The following ANO6 variants were observed in gnomAD, a reference collection of about 807,000 sequenced individuals.
ANO6 encodes the protein anoctamin 6, also known as anoctamin-6.
In ANO6, 106 loss-of-function variants were observed where a neutral mutation model predicts 117.5. The ratio of observed to expected loss-of-function variants is 0.90; its 90% CI spans 0.77 to 1.06. The LOEUF (loss-of-function observed/expected upper bound fraction) is 1.06. Ranked by LOEUF, ANO6 falls within the 50% of genes least tolerant of loss-of-function variation. ANO6 has a pLI of 0.00. For synonymous variants in ANO6, 367 were observed against 385.1 expected (o/e 0.95, Z 0.55); for missense variants, 955 against 1,121.1 (o/e 0.85, Z 2.12).
chr12:45,379,740 T>A (rs976820701), intron 10 of ANO6, among the ~76,000 whole-genome samples: 3 of 152,178 alleles, frequency 2.0e-5, no homozygotes, highest in African/African-American at 7.2e-5. Flanking sequence ...AGCCTCAAAT[T>A]TACTAGCTAA....
chr12:45,217,074 G>C (rs1947326751), intron 1 of ANO6, among the ~76,000 whole-genome samples: 1 of 152,116 alleles, frequency 6.6e-6, no homozygotes, highest in Admixed American at 6.5e-5. Flanking sequence ...TTTCTAGTTA[G>C]AGTTAAAAAT....
intron 2 of ANO6, among the ~76,000 whole-genome samples, chr12:45,329,542 C>T (rs1241509092): frequency 6.6e-6 from 1 of 152,094 alleles, no homozygotes; most frequent in East Asian, 1.9e-4. Flanking sequence ...GGAAGAGTGC[C>T]TGGAGCCATG....
intron 8 of ANO6, among the ~76,000 whole-genome samples, chr12:45,358,713 T>C (rs1941475382): frequency 6.6e-6 from 1 of 152,206 alleles, no homozygotes; most frequent in African/African-American, 2.4e-5. Flanking sequence ...CTTTAAAATA[T>C]CTAAATTATA....
At chr12:45,423,145 C>A in intron 19 of ANO6, 83 bp downstream of exon 19, 1 of 979,866 alleles carries the variant, frequency 1.0e-6, no homozygotes, top group Non-Finnish European at 1.7e-6. Context: ...CCATACTTAA[C>A]ATGTGTGATA....
intron 1 of ANO6, among the ~76,000 whole-genome samples, chr12:45,263,367 C>CTTTT (rs72457782): frequency 1.1e-4 from 9 of 79,166 alleles, no homozygotes; most frequent in Admixed American, 1.9e-4. Flanking sequence ...CTGGCCTGGC[C>CTTTT]TTTTTTTTTT....
chr12:45,272,654 A>C (rs1005747997), intron 1 of ANO6, among the ~76,000 whole-genome samples: 2 of 152,208 alleles, frequency 1.3e-5, no homozygotes, highest in African/African-American at 2.4e-5. Context: ...AGTTGATGAG[A>C]AAAAGTGTTG....
chr12:45,403,071 G>A lies in ANO6; in HGVS notation c.1613-1G>A. The A allele has an allele frequency of 6.2e-7, 1 of 1,613,632 alleles. No individual in the cohort carries two copies. Among genetic ancestry groups the A allele is most frequent in the African/African-American group, 1.3e-5 (1 of 74,996 alleles). On this transcript the variant is annotated splice_acceptor_variant, in intron 13 of 19. Transcript: ENST00000320560. LOFTEE classifies it high-confidence loss of function. ...CTTATTTCTCTTTCTTTTAACTACA[G>A]AACTCCCAAGGACCCAGACTGATTA...
At chr12:45,278,237 G>A (rs1274557759) in intron 1 of ANO6, among the ~76,000 whole-genome samples, 3 of 152,172 alleles carry the variant, frequency 2.0e-5, no homozygotes, top group South Asian at 4.1e-4. Flanking sequence ...GATTACAGGT[G>A]TGAGCCACCG....
intron 8 of ANO6, among the ~76,000 whole-genome samples, chr12:45,360,596 A>C (rs1179622879): frequency 1.3e-5 from 2 of 152,250 alleles, no homozygotes; most frequent in Non-Finnish European, 2.9e-5. Context: ...CCTTTGAAAC[A>C]AAATTATTTT....
intron 17 of ANO6, among the ~76,000 whole-genome samples, chr12:45,417,468 GCT>G (rs1262760211): frequency 6.6e-6 from 1 of 152,118 alleles, no homozygotes; most frequent in East Asian, 1.9e-4. Context: ...TTAGGTCTTT[GCT>G]CACCATGCTT....
chr12:45,252,160 C>T (rs182597608), intron 1 of ANO6, among the ~76,000 whole-genome samples: 188 of 152,278 alleles, frequency 1.2e-3, no homozygotes, highest in Admixed American at 4.2e-3. Flanking sequence ...AGTTATTTGA[C>T]ATAAAGAAGC....
At chr12:45,221,765 A>C (rs1340893595) in intron 1 of ANO6, among the ~76,000 whole-genome samples, 1 of 152,050 alleles carries the variant, frequency 6.6e-6, no homozygotes, top group East Asian at 1.9e-4. Flanking sequence ...GTTTCCGGCA[A>C]GCAGAGAGGA....
At chr12:45,407,205 C>CT (rs1942957506) in intron 15 of ANO6, among the ~76,000 whole-genome samples, 1 of 152,136 alleles carries the variant, frequency 6.6e-6, no homozygotes, top group Non-Finnish European at 1.5e-5. Flanking sequence ...GTAAGAAAGA[C>CT]TTCTAAGATG....
chr12:45,366,751 T>C (rs1941695809), intron 8 of ANO6, among the ~76,000 whole-genome samples: 1 of 152,216 alleles, frequency 6.6e-6, no homozygotes, highest in African/African-American at 2.4e-5. Context: ...GTGTAGGCCT[T>C]CTTTACTGCA....
chr12:45,317,965 G>A (rs2137356075), intron 2 of ANO6, among the ~76,000 whole-genome samples: 1 of 152,128 alleles, frequency 6.6e-6, no homozygotes, highest in Admixed American at 6.5e-5. Context: ...TTTTTGATGG[G>A]GTTGTTTGTT....
chr12:45,408,148 G>T (rs1303465648), intron 15 of ANO6, among the ~76,000 whole-genome samples: 1 of 152,180 alleles, frequency 6.6e-6, no homozygotes, highest in Non-Finnish European at 1.5e-5. Flanking sequence ...GTGATGGAGA[G>T]GATGAGGGTC....
chr12:45,219,350 T>C (rs1485340292), intron 1 of ANO6, among the ~76,000 whole-genome samples: 1 of 152,144 alleles, frequency 6.6e-6, no homozygotes, highest in African/African-American at 2.4e-5. Context: ...CTTTTATTTA[T>C]TCATTTAGAG....
chr12:45,387,173 C>T (rs919598471), intron 10 of ANO6, among the ~76,000 whole-genome samples: 1 of 152,052 alleles, frequency 6.6e-6, no homozygotes. Flanking sequence ...ACTTAGGGTT[C>T]GCAGTCTGAT....
At chr12:45,252,753 A>G (rs2137191346) in intron 1 of ANO6, among the ~76,000 whole-genome samples, 1 of 152,312 alleles carries the variant, frequency 6.6e-6, no homozygotes, top group East Asian at 1.9e-4. Context: ...GGAGAACAGC[A>G]TTTATTTTAA....
Sources: gnomAD v4.1 joint callset for allele counts (sites outside exome capture counted in the v4.1 genomes callset) on GRCh38, gnomAD v4.1.1 for gene constraint, MANE v1.5 for transcripts, NCBI Gene and HGNC (gene_info 2026-07-23, HGNC 2026-07-21) for gene names.